The following PC variants were observed in gnomAD, a reference collection of about 807,000 sequenced individuals.
The protein encoded by PC is pyruvate carboxylase, mitochondrial.
In PC, 46 loss-of-function variants were observed where a neutral mutation model predicts 107.8. The observed-to-expected ratio is 0.43, with a 90% CI of 0.34 to 0.55. PC has a LOEUF of 0.55. Ranked by LOEUF, PC falls within the 20% of genes least tolerant of loss-of-function variation. The pLI, the probability that PC is intolerant of heterozygous loss-of-function variation, is 0.04. For synonymous variants in PC, 662 were observed against 684.7 expected, an observed-to-expected ratio of 0.97 and a Z score of 0.52; for missense variants, 1,241 against 1,643.1, an observed-to-expected ratio of 0.76 and a Z score of 4.23.
intron 3 of PC, among the ~76,000 whole-genome samples, chr11:66,888,520 C>A (rs747652590): frequency 1.3e-5 from 2 of 152,100 alleles, no homozygotes; most frequent in Non-Finnish European, 2.9e-5. Context: ...GGAACTCCCA[C>A]GGCGATGGGG....
At chr11:66,953,870 G>A (rs573649904) in intron 2 of PC, among the ~76,000 whole-genome samples, 2 of 152,288 alleles carry the variant, frequency 1.3e-5, no homozygotes. Context: ...TTTCACCTAT[G>A]AGAGTCCGTC....
intron 18 of PC, 36 bp downstream of exon 18, chr11:66,850,638 G>C (rs1000193996): frequency 1.2e-6 from 2 of 1,603,726 alleles, no homozygotes; most frequent in African/African-American, 2.7e-5. Flanking sequence ...CTGCGGCTTT[G>C]AGAGGGGTGT....
rs1945915199 is a variant in PC at position 66,857,254 on chromosome 11, T to C, written c.1369-3871A>G. ...AGGAGTCGGCGGGGGCCGGCCGGGCTCGCAGGGAGGCCGGCCCGCGCCCCC... is the reference window on the plus strand; with the variant it reads ...AGGAGTCGGCGGGGGCCGGCCGGGCCCGCAGGGAGGCCGGCCCGCGCCCCC... On this transcript the variant is annotated intron_variant, in intron 12 of 22. Coordinates refer to ENST00000393960, the MANE Select transcript of PC (RefSeq NM_001040716.2). This position sits in a 1 kb window ranked among gnomAD's most constrained non-coding sequence, Gnocchi z 7.1. The C allele has an allele frequency of 6.9e-6, 1 of 144,750 alleles. No individual in the cohort carries two copies. 9.0% of individuals were successfully genotyped at this position (144,750 alleles called of 1,614,324 possible). A position where few individuals can be genotyped will look rare whatever the true frequency, so the allele number is the denominator to read the frequency against.
At chr11:66,951,372 C>A (rs796276951) in intron 3 of PC, among the ~76,000 whole-genome samples, 27 of 152,192 alleles carry the variant, frequency 1.8e-4, no homozygotes, top group African/African-American at 6.5e-4. Flanking sequence ...AGCAGGGGAC[C>A]GGCGGGAGGG....
intron 3 of PC, among the ~76,000 whole-genome samples, chr11:66,915,623 T>G (rs529086948): frequency 6.6e-6 from 1 of 152,298 alleles, no homozygotes; most frequent in South Asian, 2.1e-4. Context: ...CCAGGGGTGA[T>G]TCTGCTCCAT....
intron 3 of PC, among the ~76,000 whole-genome samples, chr11:66,875,345 G>C (rs1237611375): frequency 6.6e-6 from 1 of 152,114 alleles, no homozygotes; most frequent in East Asian, 1.9e-4. Flanking sequence ...CTGTATGGGT[G>C]GGTGGAGATG....
intron 12 of PC, among the ~76,000 whole-genome samples, chr11:66,856,229 G>C (rs1374550615): frequency 6.6e-6 from 1 of 152,260 alleles, no homozygotes; most frequent in Non-Finnish European, 1.5e-5. Flanking sequence ...CAGAGCGGGA[G>C]GGAGGGGCCG....
intron 3 of PC, among the ~76,000 whole-genome samples, chr11:66,918,772 C>A (rs182158066): frequency 2.0e-5 from 3 of 152,232 alleles, no homozygotes; most frequent in East Asian, 1.9e-4. Flanking sequence ...TTCCTCACCC[C>A]CTAAGCCACG....
intron 10 of PC, among the ~76,000 whole-genome samples, chr11:66,867,169 C>T (rs1308291082): frequency 2.6e-5 from 4 of 152,150 alleles, no homozygotes; most frequent in Admixed American, 6.5e-5. Flanking sequence ...GTGAATCCCA[C>T]GAGGCCAGGA....
At chr11:66,928,855 A>C (rs891676643) in intron 3 of PC, among the ~76,000 whole-genome samples, 8 of 152,124 alleles carry the variant, frequency 5.3e-5, no homozygotes, top group Middle Eastern at 3.2e-3. Context: ...GCAATTTCAG[A>C]AATCAAAAGG....
At chr11:66,851,495 G>T (rs374136489) in intron 16 of PC, among the ~76,000 whole-genome samples, 1 of 152,170 alleles carries the variant, frequency 6.6e-6, no homozygotes, top group South Asian at 2.1e-4. Flanking sequence ...TGTGGAAGAG[G>T]GTACTGAGCA....
chr11:66,943,027 A>G (rs1465145808), intron 3 of PC, among the ~76,000 whole-genome samples: 2 of 142,572 alleles, frequency 1.4e-5, no homozygotes, highest in Non-Finnish European at 3.2e-5. Context: ...AAAAAAAAAA[A>G]AAGTAAGTTT....
At chr11:66,900,331 C>A (rs60378789) in intron 3 of PC, among the ~76,000 whole-genome samples, 1 of 152,034 alleles carries the variant, frequency 6.6e-6, no homozygotes, top group African/African-American at 2.4e-5. Context: ...CCCACCACCA[C>A]GCCCGACTAA....
At chr11:66,862,178 T>A (rs968957624) in intron 12 of PC, among the ~76,000 whole-genome samples, 2 of 152,238 alleles carry the variant, frequency 1.3e-5, no homozygotes, top group East Asian at 1.9e-4. Context: ...GAGCGCGTGA[T>A]GTCGACAGCT....
chr11:66,858,629 C>A lies in PC; in HGVS notation c.1368+5145G>T. On this transcript the variant is annotated intron_variant, in intron 12 of 22. Transcript: ENST00000393960. This position sits in a 1 kb window ranked among gnomAD's most constrained non-coding sequence, Gnocchi z 5.9. ...CGCAGCGCCTCTGGGTGCTGGAAGGCCAGCGGGCCACGCTGCGGTGCCGGG... is the reference window on the plus strand; with the variant it reads ...CGCAGCGCCTCTGGGTGCTGGAAGGACAGCGGGCCACGCTGCGGTGCCGGG... 1 of 1,537,270 alleles carries A rather than the reference C, an allele frequency of 6.5e-7. No individual in the cohort carries two copies. The highest frequency in any genetic ancestry group is 8.7e-7 in the Non-Finnish European group (1 of 1,143,834).
intron 3 of PC, among the ~76,000 whole-genome samples, chr11:66,933,384 G>A (rs1030677626): frequency 1.3e-5 from 2 of 152,134 alleles, no homozygotes; most frequent in Admixed American, 6.5e-5. Flanking sequence ...AAGTCTCAAC[G>A]CTTATTGCTC....
chr11:66,852,070 C>T lies in PC; in HGVS notation c.1826-124G>A, dbSNP rs190240898. 40 of 966,322 alleles carry T rather than the reference C, an allele frequency of 4.1e-5. No homozygotes were observed. Among genetic ancestry groups the T allele is most frequent in the Middle Eastern group, 3.1e-4 (1 of 3,220 alleles). 59.9% of individuals were successfully genotyped at this position (966,322 alleles called of 1,614,324 possible). ...CCAGGTCCTGCTCATCTTCGCCATA[C>T]CTGTGTTCCCTGCTCCAACCCCCAC... On this transcript the variant is annotated intron_variant, in intron 15 of 22. Transcript: ENST00000393960. This position sits in a 1 kb window ranked among gnomAD's most constrained non-coding sequence, Gnocchi z 4.7.
In PC at chr11:66,858,276, C is replaced by A; in HGVS notation, c.1369-4893G>T. 1.2e-6 allele frequency: 2 copies of A among 1,612,106 alleles called. No individual in the cohort carries two copies. Among genetic ancestry groups the A allele is most frequent in the Non-Finnish European group, 1.7e-6 (2 of 1,179,926 alleles). On this transcript the variant is annotated intron_variant, in intron 12 of 22. Transcript: ENST00000393960. This position sits in a 1 kb window ranked among gnomAD's most constrained non-coding sequence, Gnocchi z 5.9. ...TGCCCTGCACACCCTCAACCTGGACCATAACCTTATTGACGCACTGCCCCC... is the reference window on the plus strand; with the variant it reads ...TGCCCTGCACACCCTCAACCTGGACAATAACCTTATTGACGCACTGCCCCC...
In PC at chr11:66,849,094, C is replaced by T. The variant is rs141978731; in HGVS notation, c.3342G>A (p.Ala1114=). The T allele has an allele frequency of 2.1e-4, 346 of 1,614,108 alleles. 1 individual carries two copies. In the African/African-American group the frequency reaches 2.8e-3, roughly 13 times the overall value. The part of the protein sequence containing the change: ...ALKDVKGQIG[A]PMPGKVIDIK... ...TGTCTATCACCTTCCCAGGCATGGG[C>T]GCCCCGATCTGGCCCTTCACGTCCT... is the stretch of plus-strand genomic sequence containing the variant. The change falls in exon 23 of 23, where the codon GCG becomes GCA. Residue 1114 remains alanine, a synonymous_variant. Transcript: ENST00000393960.
Sources: allele counts gnomAD v4.1 joint callset (sites outside exome capture counted in the v4.1 genomes callset), GRCh38; gene constraint gnomAD v4.1.1; non-coding constraint Gnocchi (gnomAD v3.1); transcripts MANE v1.5; gene names NCBI Gene and HGNC (gene_info 2026-07-23, HGNC 2026-07-21).